The following SHROOM3 variants were observed in gnomAD, a reference collection of about 807,000 sequenced individuals.
The protein encoded by SHROOM3 is protein Shroom3.
Under a neutral mutation model 138.6 loss-of-function variants are expected in SHROOM3, and 47 were observed. That is an observed-to-expected ratio of 0.34 (90% CI 0.27 to 0.43). The LOEUF is 0.43. SHROOM3 is among the 20% of genes least tolerant of loss of function. The pLI, the probability that SHROOM3 is intolerant of heterozygous loss-of-function variation, is 1.00. For synonymous variants in SHROOM3, 1,062 were observed against 1,063.3 expected, an observed-to-expected ratio of 1.00 and a Z score of 0.02; for missense variants, 2,491 against 2,596.5, an observed-to-expected ratio of 0.96 and a Z score of 0.88.
At chr4:76,539,412 T>C (rs1439388484) in intron 1 of SHROOM3, among the ~76,000 whole-genome samples, 2 of 152,232 alleles carry the variant, frequency 1.3e-5, no homozygotes, top group Non-Finnish European at 2.9e-5. Context: ...TTGTTTACTT[T>C]AGTGTGCCAT....
intron 3 of SHROOM3, among the ~76,000 whole-genome samples, chr4:76,722,414 G>T (rs1265288574): frequency 6.6e-6 from 1 of 152,110 alleles, no homozygotes; most frequent in Non-Finnish European, 1.5e-5. Context: ...AGGAACAGAA[G>T]ACCAAATTCT....
intron 1 of SHROOM3, among the ~76,000 whole-genome samples, chr4:76,499,909 A>G (rs2109998659): frequency 6.6e-6 from 1 of 152,370 alleles, no homozygotes; most frequent in East Asian, 1.9e-4. Flanking sequence ...AAAGCTTAAA[A>G]TAAAAATGAT....
At chr4:76,545,841 A>T (rs968455121) in intron 1 of SHROOM3, among the ~76,000 whole-genome samples, 2 of 152,158 alleles carry the variant, frequency 1.3e-5, no homozygotes, top group African/African-American at 4.8e-5. Context: ...TTCGCCCAAG[A>T]TCACCTAGTA....
Position 76,464,154 on chromosome 4 carries a change from G to A in SHROOM3, c.168+27934G>A, listed in dbSNP as rs537860460. Among the ~76,000 whole-genome samples the A allele has an allele frequency of 3.3e-5, 5 of 152,336 alleles. No individual in the cohort carries two copies. In the East Asian group the frequency reaches 9.6e-4, roughly 29 times the overall value. ...CACCAGCCTGTGAAAGCAGCTGTGGGGGCCATAACCTGCAGAGCCACAGGG... is the reference window on the plus strand; with the variant it reads ...CACCAGCCTGTGAAAGCAGCTGTGGAGGCCATAACCTGCAGAGCCACAGGG... On this transcript the variant is annotated intron_variant, in intron 1 of 10. Transcript: ENST00000296043.
chr4:76,511,650 G>A (rs182810747), intron 1 of SHROOM3, among the ~76,000 whole-genome samples: 12 of 152,324 alleles, frequency 7.9e-5, no homozygotes, highest in African/African-American at 2.6e-4. Flanking sequence ...GGATCGGGGA[G>A]GATTTGCAGT....
rs1429298697 is a variant in SHROOM3 at position 76,693,366 on chromosome 4, G to GTTTTTTTTTTTTTTTT, written c.324-16787_324-16786insTTTTTTTTTTTTTTTT. ...ACTATGCATACCTTCATTTTGATAAGTTTGTTTTTTTTTTTTTTTTTTTTT... is the reference window on the plus strand; with the variant it reads ...ACTATGCATACCTTCATTTTGATAAGTTTTTTTTTTTTTTTTTTTGTTTTTTTTTTTTTTTTTTTTT... On this transcript the variant is annotated intron_variant, in intron 2 of 10. Transcript: ENST00000296043. 1.7e-4 allele frequency among the ~76,000 whole-genome samples: 10 copies of GTTTTTTTTTTTTTTTT among 60,100 alleles called. 1 individual carries two copies. Among genetic ancestry groups the GTTTTTTTTTTTTTTTT allele is most frequent in the African/African-American group, 7.1e-4 (10 of 14,068 alleles). The allele number at this position is 60,100 out of a possible 152,430, so 39.4% of individuals were successfully genotyped here. A position where few individuals can be genotyped will look rare whatever the true frequency, so the allele number is the denominator to read the frequency against.
At chr4:76,686,134 A>G (rs72870060) in intron 2 of SHROOM3, among the ~76,000 whole-genome samples, 29,362 of 151,824 alleles carry the variant, frequency 0.19, 3,247 homozygotes, top group East Asian at 0.35. Context: ...CAGCCTCCCT[A>G]TTATTAGTAG....
intron 1 of SHROOM3, among the ~76,000 whole-genome samples, chr4:76,550,424 C>A (rs1414238840): frequency 6.6e-6 from 1 of 151,972 alleles, no homozygotes; most frequent in East Asian, 1.9e-4. Context: ...AGACAGAAAC[C>A]ATTAAGAGGA....
chr4:76,579,361 G>A (rs1046547781), intron 2 of SHROOM3, among the ~76,000 whole-genome samples: 2 of 151,748 alleles, frequency 1.3e-5, no homozygotes, highest in African/African-American at 4.8e-5. Flanking sequence ...CCAGCTACTC[G>A]GGAGGCTGAG....
intron 1 of SHROOM3, among the ~76,000 whole-genome samples, chr4:76,477,793 A>G (rs1290516517): frequency 6.6e-6 from 1 of 152,028 alleles, no homozygotes; most frequent in Non-Finnish European, 1.5e-5. Flanking sequence ...TCTCATTGGG[A>G]CTGGTTAGAC....
At chr4:76,539,656 C>T (rs1360691579) in intron 1 of SHROOM3, among the ~76,000 whole-genome samples, 1 of 152,138 alleles carries the variant, frequency 6.6e-6, no homozygotes, top group African/African-American at 2.4e-5. Flanking sequence ...CTTTATCTCA[C>T]AGGAAGGGAA....
chr4:76,767,679 A>T (rs1722208870), intron 9 of SHROOM3, among the ~76,000 whole-genome samples: 1 of 152,060 alleles, frequency 6.6e-6, no homozygotes, highest in South Asian at 2.1e-4. Flanking sequence ...ACTCCATCTC[A>T]AAAAAACAAA....
chr4:76,555,026 T>A (rs1244519668), intron 1 of SHROOM3, among the ~76,000 whole-genome samples: 7 of 151,518 alleles, frequency 4.6e-5, no homozygotes, highest in Admixed American at 1.3e-4. Flanking sequence ...TCGCCCCCAG[T>A]GGGACCATCT....
chr4:76,623,661 T>C (rs1463970037), intron 2 of SHROOM3, among the ~76,000 whole-genome samples: 1 of 152,232 alleles, frequency 6.6e-6, no homozygotes, highest in Non-Finnish European at 1.5e-5. Context: ...GCACTTTTTT[T>C]CCCCATTAAC....
At chr4:76,582,001 A>G (rs1483170663) in intron 2 of SHROOM3, among the ~76,000 whole-genome samples, 1 of 152,240 alleles carries the variant, frequency 6.6e-6, no homozygotes. Flanking sequence ...AATCTTTTGC[A>G]TATTTTGTAA....
At chr4:76,484,341 G>A (rs185831900) in intron 1 of SHROOM3, among the ~76,000 whole-genome samples, 1 of 151,988 alleles carries the variant, frequency 6.6e-6, no homozygotes, top group African/African-American at 2.4e-5. Flanking sequence ...AGAGGCTGAG[G>A]GGGGAGGATT....
At position 76,688,826 on chromosome 4, in the gene SHROOM3, G is replaced by A. The variant is rs1200812826; in HGVS notation, c.324-21330G>A. 8.1e-6 allele frequency: 8 copies of A among 985,362 alleles called. No individual in the cohort carries two copies. The East Asian group carries it at 6.8e-4, about 84-fold the overall frequency. 61.0% of individuals were successfully genotyped at this position (985,362 alleles called of 1,614,324 possible). On this transcript the variant is annotated intron_variant, in intron 2 of 10. Transcript: ENST00000296043. ...TCACGTCTCTTGTCTAATCAGAGAC[G>A]ATGCTTATGGAAACAAAAACAGGCC...
intron 1 of SHROOM3, among the ~76,000 whole-genome samples, chr4:76,549,569 A>G (rs553934064): frequency 6.6e-6 from 1 of 152,064 alleles, no homozygotes; most frequent in Non-Finnish European, 1.5e-5. Flanking sequence ...GGGTTTCACC[A>G]TGTTGGTCAG....
In SHROOM3 at chr4:76,658,247, A is replaced by G. The variant is rs115705899; in HGVS notation, c.324-51909A>G. 3.3e-3 allele frequency among the ~76,000 whole-genome samples: 510 copies of G among 152,266 alleles called. 3 individuals carry two copies. Among genetic ancestry groups the G allele is most frequent in the African/African-American group, 0.011 (467 of 41,564 alleles). On this transcript the variant is annotated intron_variant, in intron 2 of 10. Coordinates refer to ENST00000296043, the MANE Select transcript of SHROOM3 (RefSeq NM_020859.4). ...CAAGCCTTGGTGACTTATGTTTGCT[A>G]CCTTAGTTGGAATTAATGAAATCAT...
Sources: gnomAD v4.1 joint callset for allele counts (sites outside exome capture counted in the v4.1 genomes callset) on GRCh38, gnomAD v4.1.1 for gene constraint, MANE v1.5 for transcripts, NCBI Gene and HGNC (gene_info 2026-07-23, HGNC 2026-07-21) for gene names.